MRTFA: variants seen among roughly 807,000 people sequenced by gnomAD.
MRTFA encodes the protein myocardin-related transcription factor A.
Under a neutral mutation model 83.5 loss-of-function variants are expected in MRTFA, and 20 were observed. The observed-to-expected ratio is 0.24, with a 90% CI of 0.17 to 0.35. The LOEUF is 0.35. MRTFA is among the 10% of genes least tolerant of loss of function. The pLI is 1.00. For missense variants in MRTFA, 1,200 were observed against 1,224.7 expected (o/e 0.98, Z 0.30); for synonymous variants, 659 against 541.2 (o/e 1.22, Z -3.02).
At chr22:40,607,083 T>C (rs2056326547) in intron 1 of MRTFA, among the ~76,000 whole-genome samples, 1 of 152,242 alleles carries the variant, frequency 6.6e-6, no homozygotes, top group Non-Finnish European at 1.5e-5. Context: ...AATTAGTTTC[T>C]TCCACTATCT....
intron 1 of MRTFA, among the ~76,000 whole-genome samples, chr22:40,600,872 G>A (rs1486916580): frequency 6.6e-6 from 1 of 152,194 alleles, no homozygotes; most frequent in African/African-American, 2.4e-5. Flanking sequence ...CAGCTACTCA[G>A]ATGGCTGAGG....
rs2052518513 is a variant in MRTFA at position 40,411,135 on chromosome 22, C to T, written c.*255G>A. 1 of 387,226 alleles carries T rather than the reference C, an allele frequency of 2.6e-6. No homozygotes were observed. The highest frequency in any genetic ancestry group is 2.0e-5 in the African/African-American group (1 of 49,242). The allele number at this position is 387,226 out of a possible 1,614,324, so 24.0% of individuals were successfully genotyped here. On this transcript the variant is annotated 3_prime_UTR_variant, in exon 15 of 15. Transcript: ENST00000355630. ...AAAAAGGAGGTCAAGCTGAAATGGC[C>T]CTGACCCTGACCGTGTGTCCAAAAC...
intron 2 of MRTFA, among the ~76,000 whole-genome samples, chr22:40,577,609 ATTTTTTT>A (rs71199293): frequency 7.7e-6 from 1 of 129,848 alleles, no homozygotes; most frequent in Non-Finnish European, 1.7e-5. Context: ...TCTACATCTG[ATTTTTTT>A]TTTTTTTTTT....
chr22:40,588,027 A>ATTT (rs771409551), intron 2 of MRTFA: 14 of 143,838 alleles, frequency 9.7e-5, no homozygotes, highest in East Asian at 1.9e-4. Context: ...ACACTCCAAC[A>ATTT]TTTTTTTTTT....
intron 2 of MRTFA, among the ~76,000 whole-genome samples, chr22:40,593,630 C>G (rs552198664): frequency 1.3e-5 from 2 of 152,338 alleles, no homozygotes; most frequent in Admixed American, 1.3e-4. Context: ...CCTTCCTAGA[C>G]AGCAGCGTCA....
At chr22:40,429,564 A>G in intron 7 of MRTFA, 42 bp downstream of exon 7, 1 of 1,613,270 alleles carries the variant, frequency 6.2e-7, no homozygotes, top group South Asian at 1.1e-5. Flanking sequence ...CCCCTCCTGC[A>G]TCTCAGCTGC....
In MRTFA at chr22:40,411,492, G is replaced by T. The variant is rs558305819; in HGVS notation, c.2994C>A (p.Pro998=). The change falls in exon 15 of 15, where the codon CCC becomes CCA. Residue 998 remains proline, a synonymous_variant. Transcript: ENST00000355630. ...TGCTGAGGGGGGCTAGGCTCAGCAC[G>T]GGACCACCTGACGACAGCTCCAGCC... 1 of 1,610,346 alleles carries T rather than the reference G, an allele frequency of 6.2e-7. No homozygotes were observed.
chr22:40,635,568 A>G (rs1487270022), intron 1 of MRTFA, among the ~76,000 whole-genome samples: 2 of 152,198 alleles, frequency 1.3e-5, no homozygotes, highest in African/African-American at 4.8e-5. Flanking sequence ...TAACCATTCA[A>G]CTGCCCTTTC....
chr22:40,515,752 C>G (rs916383064), intron 3 of MRTFA, among the ~76,000 whole-genome samples: 1 of 152,096 alleles, frequency 6.6e-6, no homozygotes, highest in African/African-American at 2.4e-5. Flanking sequence ...ACTCGCCTAC[C>G]AGTATATAAG....
chr22:40,572,911 T>C (rs968860614), intron 2 of MRTFA, among the ~76,000 whole-genome samples: 2 of 152,194 alleles, frequency 1.3e-5, no homozygotes, highest in Admixed American at 1.3e-4. Context: ...TTGTAGGAGT[T>C]ACAATTCAAG....
chr22:40,449,160 T>C lies in MRTFA; in HGVS notation c.308-13606A>G, dbSNP rs539956368. On this transcript the variant is annotated intron_variant, in intron 4 of 14. Coordinates refer to ENST00000355630, the MANE Select transcript of MRTFA (RefSeq NM_020831.6). ...CGGGTGCCTGTAGTCCCAGCTACTC[T>C]GGAGGCTGAGGCAGGAGAATGGCGT... Among the ~76,000 whole-genome samples the C allele has an allele frequency of 1.2e-4, 18 of 151,162 alleles. No individual in the cohort carries two copies. In the East Asian group the frequency reaches 3.5e-3, roughly 29 times the overall value.
At chr22:40,459,190 G>A (rs2053650024) in intron 4 of MRTFA, among the ~76,000 whole-genome samples, 1 of 149,056 alleles carries the variant, frequency 6.7e-6, no homozygotes, top group South Asian at 2.1e-4. Context: ...AGGAGTCGGG[G>A]GACACAGGGT....
At chr22:40,484,261 G>A (rs1037421830) in intron 3 of MRTFA, among the ~76,000 whole-genome samples, 3 of 151,896 alleles carry the variant, frequency 2.0e-5, no homozygotes, top group Non-Finnish European at 4.4e-5. Flanking sequence ...AATAAAATTT[G>A]ATAAAGTCTG....
At chr22:40,540,937 G>A (rs2055279455) in intron 3 of MRTFA, among the ~76,000 whole-genome samples, 1 of 151,888 alleles carries the variant, frequency 6.6e-6, no homozygotes. Flanking sequence ...CATAGGAAAA[G>A]TTCATAACAA....
At chr22:40,480,727 G>C (rs1042312042) in intron 3 of MRTFA, among the ~76,000 whole-genome samples, 1 of 148,520 alleles carries the variant, frequency 6.7e-6, no homozygotes, top group East Asian at 2.0e-4. Flanking sequence ...GGAGGATCAC[G>C]CCCAGGAGTT....
chr22:40,521,490 GAATTAATT>G (rs201908641), intron 3 of MRTFA, among the ~76,000 whole-genome samples: 4 of 151,706 alleles, frequency 2.6e-5, no homozygotes, highest in African/African-American at 7.3e-5. Context: ...CCCACAGCCT[GAATTAATT>G]AATTAATTAA....
intron 2 of MRTFA, among the ~76,000 whole-genome samples, chr22:40,583,773 G>C (rs1602460670): frequency 6.6e-6 from 1 of 152,290 alleles, no homozygotes; most frequent in South Asian, 2.1e-4. Context: ...TGAGGTGGAA[G>C]AGCTTCATCC....
intron 2 of MRTFA, chr22:40,586,888 CTGCTGGTGCTGCTGGTGCTGCTGG>C (rs2056036947): frequency 9.7e-6 from 2 of 205,518 alleles, no homozygotes; most frequent in South Asian, 2.9e-5. Flanking sequence ...GCCTCTAGTG[CTGCTGGTGCTGCTGGTGCTGCTGG>C]TGCTGGTGCT....
intron 9 of MRTFA, among the ~76,000 whole-genome samples, chr22:40,421,382 G>A (rs1267996656): frequency 6.6e-6 from 1 of 152,180 alleles, no homozygotes; most frequent in Non-Finnish European, 1.5e-5. Context: ...CAAGCAGGGT[G>A]AACACAAGGA....
Sources: allele counts gnomAD v4.1 joint callset (sites outside exome capture counted in the v4.1 genomes callset), GRCh38; gene constraint gnomAD v4.1.1; transcripts MANE v1.5; gene names NCBI Gene and HGNC (gene_info 2026-07-23, HGNC 2026-07-21).